Variants in MKRN1 observed in about 807,000 individuals in gnomAD.
MKRN1 encodes the protein makorin ring finger protein 1, also known as E3 ubiquitin-protein ligase makorin-1.
A neutral mutation model predicts 55.5 loss-of-function variants in MKRN1; 9 were observed. The ratio of observed to expected loss-of-function variants is 0.16; its 90% CI spans 0.10 to 0.28. The LOEUF (loss-of-function observed/expected upper bound fraction) is 0.28, where lower values mean the gene tolerates loss of function less well. Among genes scored for constraint, MKRN1 ranks in the 10% least tolerant of loss-of-function variants. The pLI is 1.00. For missense variants in MKRN1, 488 were observed against 626.7 expected (o/e 0.78, Z 2.36); for synonymous variants, 253 against 235.9 (o/e 1.07, Z -0.66).
At chr7:140,479,085 C>T in intron 1 of MKRN1, 75 bp downstream of exon 1, 5 of 1,248,486 alleles carry the variant, frequency 4.0e-6, no homozygotes, top group Non-Finnish European at 5.0e-6. Context: ...GCCGGCCGCC[C>T]TCCTCCCTCC....
chr7:140,471,749 C>T, intron 2 of MKRN1, 134 bp downstream of exon 2: 2 of 1,253,746 alleles, frequency 1.6e-6, no homozygotes, highest in South Asian at 3.0e-5. Flanking sequence ...GGATTATAGG[C>T]ATGAGCCACT....
intron 2 of MKRN1, among the ~76,000 whole-genome samples, chr7:140,465,183 A>C (rs755381915): frequency 6.6e-5 from 10 of 152,106 alleles, no homozygotes; most frequent in Non-Finnish European, 8.8e-5. Context: ...TGGTCCAAAA[A>C]CCAAAACTCC....
At chr7:140,469,631 G>A (rs1794864563) in intron 2 of MKRN1, among the ~76,000 whole-genome samples, 3 of 151,632 alleles carry the variant, frequency 2.0e-5, no homozygotes, top group South Asian at 2.1e-4. Flanking sequence ...GGCCCATGTG[G>A]GCCAGGCGGG....
At chr7:140,457,046 TTG>T in intron 4 of MKRN1, 180 bp from the exon 5 acceptor site, 1 of 643,558 alleles carries the variant, frequency 1.6e-6, no homozygotes, top group Non-Finnish European at 2.6e-6. Flanking sequence ...TTTTTTTTGT[TTG>T]TTTGTTTTTG....
At chr7:140,478,203 G>T (rs1018700814) in intron 1 of MKRN1, 1 of 152,130 alleles carries the variant, frequency 6.6e-6, no homozygotes, top group East Asian at 1.9e-4. Flanking sequence ...GATAGAAAAA[G>T]AAAAGCTTAC....
intron 2 of MKRN1, among the ~76,000 whole-genome samples, chr7:140,464,977 T>C (rs1003757873): frequency 3.3e-5 from 5 of 152,022 alleles, no homozygotes; most frequent in Non-Finnish European, 5.9e-5. Flanking sequence ...TGTAGGTACG[T>C]AGTTTTGCCA....
intron 1 of MKRN1, among the ~76,000 whole-genome samples, chr7:140,475,698 A>G (rs755194237): frequency 1.9e-4 from 29 of 152,150 alleles, no homozygotes; most frequent in Non-Finnish European, 3.8e-4. Flanking sequence ...AAAATCAAGA[A>G]AAGAGTTTTT....
intron 7 of MKRN1, 91 bp from the exon 8 acceptor site, chr7:140,454,820 G>A (rs1377482842): frequency 7.5e-7 from 1 of 1,332,586 alleles, no homozygotes; most frequent in African/African-American, 1.5e-5. Context: ...GCACACCAGA[G>A]GGCATGACGA....
chr7:140,454,627 T>C lies in MKRN1; in HGVS notation c.1339A>G (p.Met447Val), dbSNP rs771206605. 6.2e-7 allele frequency: 1 copy of C among 1,613,838 alleles called. No homozygotes were observed. The highest frequency in any genetic ancestry group is 2.2e-5 in the East Asian group (1 of 44,894). ...CCTGCAGCCAAAAGCATAAGCAACA[T>C]CTCGCCCAGCTCAAAGGTGACAACC... ...EEVVTFELGE[M>V]LLMLLAAGGD... Residue 447 changes from methionine (M) to valine (V), a missense_variant, in exon 8 of 8, where the codon ATG (methionine) becomes GTG (valine). Coordinates refer to ENST00000255977, the MANE Select transcript of MKRN1 (RefSeq NM_013446.4).
intron 4 of MKRN1, among the ~76,000 whole-genome samples, chr7:140,457,240 A>G (rs1046172664): frequency 1.3e-5 from 2 of 152,136 alleles, no homozygotes; most frequent in Non-Finnish European, 2.9e-5. Context: ...CTGTCGGAAA[A>G]TAAGGGTGAC....
At chr7:140,465,291 G>C (rs778490317) in intron 2 of MKRN1, among the ~76,000 whole-genome samples, 10 of 152,058 alleles carry the variant, frequency 6.6e-5, no homozygotes, top group Non-Finnish European at 8.8e-5. Flanking sequence ...TTGAGGGCAG[G>C]AGTTCAAGAC....
At chr7:140,476,944 A>C (rs1409682386) in intron 1 of MKRN1, among the ~76,000 whole-genome samples, 3 of 151,992 alleles carry the variant, frequency 2.0e-5, no homozygotes, top group Non-Finnish European at 4.4e-5. Context: ...TCAGGTGGGC[A>C]TGGTGGTGCA....
Position 140,472,680 on chromosome 7 carries a change from G to A in MKRN1, c.186-669C>T, listed in dbSNP as rs190398356. Among the ~76,000 whole-genome samples the A allele has an allele frequency of 1.4e-3, 219 of 151,534 alleles. 1 individual carries two copies. The highest frequency in any genetic ancestry group is 4.9e-3 in the African/African-American group (201 of 41,370). ...TGAGATTACAAGCGTGAGCCACTGC[G>A]CCTGGCCCTTGTTTTTGCATTGTTA... is the stretch of plus-strand genomic sequence containing the variant. On this transcript the variant is annotated intron_variant, in intron 1 of 7. Transcript: ENST00000255977.
intron 4 of MKRN1, among the ~76,000 whole-genome samples, chr7:140,458,180 CAT>C (rs1794519474): frequency 6.6e-6 from 1 of 152,160 alleles, no homozygotes; most frequent in African/African-American, 2.4e-5. Context: ...TAACGGAAAA[CAT>C]ATCTTCACAG....
chr7:140,465,606 G>A (rs997393353), intron 2 of MKRN1, among the ~76,000 whole-genome samples: 15 of 152,016 alleles, frequency 9.9e-5, no homozygotes, highest in East Asian at 1.9e-4. Context: ...AAACAGTCCC[G>A]AGCAACAAAG....
At chr7:140,478,267 T>C (rs1795182296) in intron 1 of MKRN1, 1 of 152,222 alleles carries the variant, frequency 6.6e-6, no homozygotes, top group Non-Finnish European at 1.5e-5. Flanking sequence ...TACAATTAAA[T>C]GCCCTCTTCT....
At chr7:140,477,555 C>T (rs1356318090) in intron 1 of MKRN1, among the ~76,000 whole-genome samples, 1 of 152,162 alleles carries the variant, frequency 6.6e-6, no homozygotes, top group Non-Finnish European at 1.5e-5. Flanking sequence ...AGCTCCTGAC[C>T]TCGTGATCCA....
At chr7:140,462,347 A>G (rs538298064) in intron 2 of MKRN1, among the ~76,000 whole-genome samples, 2 of 152,358 alleles carry the variant, frequency 1.3e-5, no homozygotes, top group Admixed American at 6.5e-5. Context: ...GATGCTATGT[A>G]TTAATTATGC....
At chr7:140,475,043 T>G (rs574536064) in intron 1 of MKRN1, among the ~76,000 whole-genome samples, 2 of 151,922 alleles carry the variant, frequency 1.3e-5, no homozygotes, top group East Asian at 3.9e-4. Context: ...GTTAACCACA[T>G]TTTTAAAAAC....
Sources: gnomAD v4.1 joint callset for allele counts (sites outside exome capture counted in the v4.1 genomes callset) on GRCh38, gnomAD v4.1.1 for gene constraint, MANE v1.5 for transcripts, NCBI Gene and HGNC (gene_info 2026-07-23, HGNC 2026-07-21) for gene names.